The following ADAMTS3 variants were observed in gnomAD, a reference collection of about 807,000 sequenced individuals.
The protein encoded by ADAMTS3 is A disintegrin and metalloproteinase with thrombospondin motifs 3.
Under a neutral mutation model 129.0 loss-of-function variants are expected in ADAMTS3, and 73 were observed. The observed-to-expected ratio is 0.57, with a 90% CI of 0.47 to 0.69. The LOEUF is 0.69. Among genes scored for constraint, ADAMTS3 ranks in the 30% least tolerant of loss-of-function variants. The pLI, the probability that ADAMTS3 is intolerant of heterozygous loss-of-function variation, is 0.00. For synonymous variants in ADAMTS3, 477 were observed against 510.8 expected, an observed-to-expected ratio of 0.93 and a Z score of 0.89; for missense variants, 1,457 against 1,514.5, an observed-to-expected ratio of 0.96 and a Z score of 0.63.
chr4:72,354,230 A>G (rs1720517394), intron 4 of ADAMTS3, among the ~76,000 whole-genome samples: 2 of 151,946 alleles, frequency 1.3e-5, no homozygotes, highest in South Asian at 4.1e-4. Flanking sequence ...TTCCAATTTA[A>G]TAAGAAGTGT....
At position 72,405,048 on chromosome 4, in the gene ADAMTS3, G is replaced by A. The variant is rs115179685; in HGVS notation, c.661+9767C>T. Among the ~76,000 whole-genome samples, 814 of 152,170 alleles carry A rather than the reference G, an allele frequency of 5.3e-3. 11 individuals carry two copies. The highest frequency in any genetic ancestry group is 0.019 in the African/African-American group (776 of 41,534). ...GCCTGTGGTAAGAAAAATAAGTATT[G>A]AGGAGATGTAGAGAAAAGGGAACAC... is the stretch of plus-strand genomic sequence containing the variant. On this transcript the variant is annotated intron_variant, in intron 4 of 21. Coordinates refer to ENST00000286657, the MANE Select transcript of ADAMTS3 (RefSeq NM_014243.3).
At position 72,530,965 on chromosome 4, in the gene ADAMTS3, G is replaced by C. The variant is rs1721027028; in HGVS notation, c.504+17513C>G. On this transcript the variant is annotated intron_variant, in intron 3 of 21. Transcript: ENST00000286657. ...CTGAAATGGAGTCTTAAAAGTCATA[G>C]TAAAATGTTTGGAATTTAATGGGAA... 2.7e-5 allele frequency among the ~76,000 whole-genome samples: 4 copies of C among 149,020 alleles called. No homozygotes were observed. In the South Asian group the frequency reaches 8.3e-4, roughly 31 times the overall value.
chr4:72,477,256 C>T (rs183426900), intron 3 of ADAMTS3, among the ~76,000 whole-genome samples: 61 of 152,230 alleles, frequency 4.0e-4, no homozygotes, highest in African/African-American at 1.4e-3. Context: ...CAGCACCACA[C>T]CACACCTACT....
At position 72,320,732 on chromosome 4, in the gene ADAMTS3, C is replaced by G; in HGVS notation, c.1084G>C (p.Gly362Arg). 1.9e-6 allele frequency: 3 copies of G among 1,613,694 alleles called. No individual in the cohort carries two copies. Among genetic ancestry groups the G allele is most frequent in the Non-Finnish European group, 2.5e-6 (3 of 1,179,794 alleles). The change falls in exon 7 of 22, where the codon GGA (glycine) becomes CGA (arginine). Residue 362 changes from glycine (G) to arginine (R), a missense_variant. Coordinates refer to ENST00000286657, the MANE Select transcript of ADAMTS3 (RefSeq NM_014243.3). ...HAIFLTRQDF[G>R]PAGMQGYAPV... ...GCAATACCTTGCATTCCAGCAGGTC[C>G]AAAGTCTTGCCTGGTTAAAAAAATT...
intron 3 of ADAMTS3, among the ~76,000 whole-genome samples, chr4:72,454,900 CTT>C (rs1718501585): frequency 6.6e-6 from 1 of 151,608 alleles, no homozygotes; most frequent in South Asian, 2.1e-4. Context: ...GAAATTTACC[CTT>C]GTCAGAAATA....
At chr4:72,395,803 G>T (rs1010045476) in intron 4 of ADAMTS3, among the ~76,000 whole-genome samples, 1 of 149,076 alleles carries the variant, frequency 6.7e-6, no homozygotes, top group African/African-American at 2.6e-5. Flanking sequence ...ATAAATGATA[G>T]TAGTATATTT....
At chr4:72,421,262 G>A (rs1332521388) in intron 3 of ADAMTS3, among the ~76,000 whole-genome samples, 5 of 152,114 alleles carry the variant, frequency 3.3e-5, no homozygotes, top group East Asian at 1.9e-4. Flanking sequence ...AATTAGCATC[G>A]CTTTCACTCT....
chr4:72,473,328 C>A (rs1313943655), intron 3 of ADAMTS3, among the ~76,000 whole-genome samples: 1 of 151,898 alleles, frequency 6.6e-6, no homozygotes, highest in Non-Finnish European at 1.5e-5. Flanking sequence ...GCTGGGTTTT[C>A]TTTTTGCTTC....
At chr4:72,423,880 T>C (rs1409992410) in intron 3 of ADAMTS3, among the ~76,000 whole-genome samples, 1 of 152,064 alleles carries the variant, frequency 6.6e-6, no homozygotes, top group Admixed American at 6.6e-5. Flanking sequence ...ATATAAAGAA[T>C]AACAGTAGCT....
intron 3 of ADAMTS3, among the ~76,000 whole-genome samples, chr4:72,512,360 C>T (rs1720339350): frequency 6.6e-6 from 1 of 152,064 alleles, no homozygotes; most frequent in African/African-American, 2.4e-5. Context: ...GGGATGGTGG[C>T]ATGTGCCTGT....
intron 4 of ADAMTS3, among the ~76,000 whole-genome samples, chr4:72,403,732 T>G (rs1211166843): frequency 2.0e-5 from 3 of 152,096 alleles, no homozygotes; most frequent in African/African-American, 7.2e-5. Flanking sequence ...TAAAAAAATT[T>G]TTTAAAATAA....
At chr4:72,516,961 T>C (rs1263326448) in intron 3 of ADAMTS3, among the ~76,000 whole-genome samples, 2 of 152,330 alleles carry the variant, frequency 1.3e-5, no homozygotes, top group Non-Finnish European at 2.9e-5. Flanking sequence ...CAGTATGATA[T>C]TAGCTGTGAG....
intron 3 of ADAMTS3, among the ~76,000 whole-genome samples, chr4:72,455,879 CTATA>C (rs1313090402): frequency 1.9e-5 from 2 of 106,214 alleles, no homozygotes; most frequent in African/African-American, 4.0e-5. Flanking sequence ...ACTGTATATA[CTATA>C]TATATTTTAT....
At chr4:72,532,080 T>G (rs1281618261) in intron 3 of ADAMTS3, among the ~76,000 whole-genome samples, 1 of 151,182 alleles carries the variant, frequency 6.6e-6, no homozygotes, top group African/African-American at 2.4e-5. Context: ...TGAAATTTCC[T>G]ACCAGAAAAA....
At position 72,292,134 on chromosome 4, in the gene ADAMTS3, T is replaced by G. The variant is rs945446892; in HGVS notation, c.2724-1072A>C. Among the ~76,000 whole-genome samples the G allele has an allele frequency of 2.0e-5, 3 of 152,234 alleles. No individual in the cohort carries two copies. The South Asian group carries it at 6.2e-4, about 32-fold the overall frequency. ...TTTAAAACAGAATCCATCTAATGGT[T>G]GCTAAGACACACTTACGATTTCTTT... is the stretch of plus-strand genomic sequence containing the variant. On this transcript the variant is annotated intron_variant, in intron 19 of 21. Coordinates refer to ENST00000286657, the MANE Select transcript of ADAMTS3 (RefSeq NM_014243.3).
At chr4:72,536,078 C>T (rs111597362) in intron 3 of ADAMTS3, among the ~76,000 whole-genome samples, 1,780 of 152,286 alleles carry the variant, frequency 0.012, 44 homozygotes, top group African/African-American at 0.04. Context: ...TAGTGCACTA[C>T]ATGGTGGTCA....
intron 3 of ADAMTS3, among the ~76,000 whole-genome samples, chr4:72,485,953 C>T (rs1313534921): frequency 6.6e-6 from 1 of 152,192 alleles, no homozygotes; most frequent in East Asian, 1.9e-4. Context: ...CCTCACTGGA[C>T]ACTGAAACTG....
intron 3 of ADAMTS3, among the ~76,000 whole-genome samples, chr4:72,541,978 T>C (rs1721343068): frequency 6.6e-6 from 1 of 152,252 alleles, no homozygotes; most frequent in Non-Finnish European, 1.5e-5. Flanking sequence ...GTTAAAATGA[T>C]TAACTTTTAA....
chr4:72,402,045 C>T (rs753030602), intron 4 of ADAMTS3, among the ~76,000 whole-genome samples: 23 of 152,104 alleles, frequency 1.5e-4, no homozygotes, highest in Non-Finnish European at 1.2e-4. Flanking sequence ...TCACTATGTG[C>T]TTTTTTACTT....
Sources: allele counts gnomAD v4.1 joint callset (sites outside exome capture counted in the v4.1 genomes callset), GRCh38; gene constraint gnomAD v4.1.1; transcripts MANE v1.5; gene names NCBI Gene and HGNC (gene_info 2026-07-23, HGNC 2026-07-21).